The following BRSK1 variants were observed in gnomAD, a reference collection of about 807,000 sequenced individuals.
The protein encoded by BRSK1 is BR serine/threonine kinase 1.
Under a neutral mutation model 86.2 loss-of-function variants are expected in BRSK1, and 17 were observed. The observed-to-expected ratio is 0.20, with a 90% CI of 0.14 to 0.30. The LOEUF is 0.30. Ranked by LOEUF, BRSK1 falls within the 10% of genes least tolerant of loss-of-function variation. The pLI, the probability that BRSK1 is intolerant of heterozygous loss-of-function variation, is 1.00. For missense variants in BRSK1, 719 were observed against 1,071.9 expected, an observed-to-expected ratio of 0.67 and a Z score of 4.60; for synonymous variants, 464 against 440.1, an observed-to-expected ratio of 1.05 and a Z score of -0.68.
rs1290251687 is a variant in BRSK1 at position 55,303,141 on chromosome 19, T to G, written c.1029-170T>G. 1 of 647,462 alleles carries G rather than the reference T, an allele frequency of 1.5e-6. No homozygotes were observed. Among genetic ancestry groups the G allele is most frequent in the Non-Finnish European group, 2.6e-6 (1 of 378,002 alleles). 40.1% of individuals were successfully genotyped at this position (647,462 alleles called of 1,614,324 possible). A position where few individuals can be genotyped will look rare whatever the true frequency, so the allele number is the denominator to read the frequency against. On this transcript the variant is annotated intron_variant, in intron 10 of 18. Transcript: ENST00000309383. The surrounding 1 kb of genome is among the most constrained non-coding windows in gnomAD (Gnocchi z 5.1). ...GTGTTACAGTGTTATTATAATTGAGTGAAACACAGCTGAGATGTACCCTAA... is the reference window on the plus strand; with the variant it reads ...GTGTTACAGTGTTATTATAATTGAGGGAAACACAGCTGAGATGTACCCTAA...
At position 55,303,116 on chromosome 19, in the gene BRSK1, G is replaced by T; in HGVS notation, c.1029-195G>T. On this transcript the variant is annotated intron_variant, in intron 10 of 18. Coordinates refer to ENST00000309383, the MANE Select transcript of BRSK1 (RefSeq NM_032430.2). This position sits in a 1 kb window ranked among gnomAD's most constrained non-coding sequence, Gnocchi z 5.1. ...CAAATAGTTCTTGCCTGGATGTTAG[G>T]TGTTACAGTGTTATTATAATTGAGT... The T allele has an allele frequency of 1.6e-6, 1 of 629,850 alleles. No homozygotes were observed. The highest frequency in any genetic ancestry group is 2.0e-5 in the South Asian group (1 of 49,548). 39.0% of individuals were successfully genotyped at this position (629,850 alleles called of 1,614,324 possible).
intron 4 of BRSK1, among the ~76,000 whole-genome samples, chr19:55,291,585 C>T (rs369516365): frequency 2.6e-5 from 4 of 152,096 alleles, no homozygotes; most frequent in East Asian, 3.9e-4. Flanking sequence ...AAATGTGCAA[C>T]GTTTTTCTAA....
chr19:55,284,500 C>G lies in BRSK1; in HGVS notation c.58C>G (p.Pro20Ala). 9.7e-7 allele frequency: 1 copy of G among 1,033,112 alleles called. No homozygotes were observed. The allele number at this position is 1,033,112 out of a possible 1,614,324, so 64.0% of individuals were successfully genotyped here. A position where few individuals can be genotyped will look rare whatever the true frequency, so the allele number is the denominator to read the frequency against. ...GGSPAYHLPHPHPHPPQHAQY... is the reference protein window; with the variant it reads ...GGSPAYHLPHAHPHPPQHAQY... ...CTCTCCCGCCTACCACCTCCCCCAC[C>G]CCCACCCCCACCCACCCCAGCACGC... Residue 20 changes from proline to alanine, a missense_variant, in exon 1 of 19, where the codon CCC becomes GCC. By Grantham distance (27) the Pro-to-Ala change is conservative. Transcript: ENST00000309383.
In BRSK1 at chr19:55,310,910, G is replaced by T. The variant is rs985289916; in HGVS notation, c.2180-1001G>T. On this transcript the variant is annotated intron_variant, in intron 18 of 18. Transcript: ENST00000309383. This position sits in a 1 kb window ranked among gnomAD's most constrained non-coding sequence, Gnocchi z 5.0. Reference sequence around the variant, plus strand: ...ACCATCTCATAAAGGAGAATGGGGTGGGGGGTGCAGGCCTCCGAGTCACCG... The same window carrying T: ...ACCATCTCATAAAGGAGAATGGGGTTGGGGGTGCAGGCCTCCGAGTCACCG... Among the ~76,000 whole-genome samples, 1 of 152,076 alleles carries T rather than the reference G, an allele frequency of 6.6e-6. No homozygotes were observed. Among genetic ancestry groups the T allele is most frequent in the African/African-American group, 2.4e-5 (1 of 41,402 alleles).
Position 55,306,513 on chromosome 19 carries a change from G to T in BRSK1, c.2089+63G>T. The T allele has an allele frequency of 5.7e-6, 9 of 1,575,340 alleles. No individual in the cohort carries two copies. The South Asian group carries it at 1.0e-4, about 17-fold the overall frequency. On this transcript the variant is annotated intron_variant, in intron 17 of 18. Coordinates refer to ENST00000309383, the MANE Select transcript of BRSK1 (RefSeq NM_032430.2). This position sits in a 1 kb window ranked among gnomAD's most constrained non-coding sequence, Gnocchi z 4.7. ...GGGACTGTTCACGACAGCTGAGACA[G>T]TGTAGGGGCCCAGGAGTGCAGCAGC...
chr19:55,286,233 C>T (rs1439115185), intron 1 of BRSK1, among the ~76,000 whole-genome samples: 4 of 138,566 alleles, frequency 2.9e-5, no homozygotes, highest in Non-Finnish European at 6.2e-5. Flanking sequence ...GAATGGGGGC[C>T]TGGACTCCTG....
Position 55,284,013 on chromosome 19 carries a change from G to T in BRSK1, c.-430G>T. The T allele has an allele frequency of 4.0e-6, 5 of 1,240,746 alleles. No homozygotes were observed. The highest frequency in any genetic ancestry group is 5.0e-6 in the Non-Finnish European group (5 of 993,728). 76.9% of individuals were successfully genotyped at this position (1,240,746 alleles called of 1,614,324 possible). ...GGAGTCCCCGGATGGTGATGTCAGC[G>T]TGCCGGAGAGAAAGGACGAGGTGGC... On this transcript the variant is annotated 5_prime_UTR_variant, in exon 1 of 19. Transcript: ENST00000309383.
chr19:55,302,954 A>G lies in BRSK1; in HGVS notation c.1028+87A>G. The G allele has an allele frequency of 2.7e-6, 4 of 1,503,844 alleles. No individual in the cohort carries two copies. The highest frequency in any genetic ancestry group is 3.6e-6 in the Non-Finnish European group (4 of 1,117,626). 93.2% of individuals were successfully genotyped at this position (1,503,844 alleles called of 1,614,324 possible). A position where few individuals can be genotyped will look rare whatever the true frequency, so the allele number is the denominator to read the frequency against. ...CGCACATGCAGAGTGCTGGGCGAGG[A>G]ACCCTGGCCTCTCATGGGGCATGGT... On this transcript the variant is annotated intron_variant, in intron 10 of 18. Coordinates refer to ENST00000309383, the MANE Select transcript of BRSK1 (RefSeq NM_032430.2). This position sits in a 1 kb window ranked among gnomAD's most constrained non-coding sequence, Gnocchi z 6.3.
At chr19:55,297,925 G>T (rs1468468289) in intron 7 of BRSK1, among the ~76,000 whole-genome samples, 5 of 151,334 alleles carry the variant, frequency 3.3e-5, no homozygotes, top group Non-Finnish European at 2.9e-5. Flanking sequence ...AGATTCTCCT[G>T]CCTCAGCCTC....
In BRSK1 at chr19:55,284,254, G is replaced by GC. The variant is rs983168305; in HGVS notation, c.-182dup. 7.2e-4 allele frequency: 330 copies of GC among 460,426 alleles called. No homozygotes were observed. The highest frequency in any genetic ancestry group is 1.0e-3 in the Non-Finnish European group (303 of 289,108). 28.5% of individuals were successfully genotyped at this position (460,426 alleles called of 1,614,324 possible). On this transcript the variant is annotated 5_prime_UTR_variant, in exon 1 of 19. Transcript: ENST00000309383. Reference sequence around the variant, plus strand: ...CCCGGGGCCTGACCCCCCCGGGCCAGCCCCCCCTCCCCCAGCTCCGCGGCC... The same window carrying GC: ...CCCGGGGCCTGACCCCCCCGGGCCAGCCCCCCCCTCCCCCAGCTCCGCGGCC...
rs1464085680 is a variant in BRSK1, at chr19:55,284,085, G to C, written c.-358G>C. 6 of 886,298 alleles carry C rather than the reference G, an allele frequency of 6.8e-6. No homozygotes were observed. The highest frequency in any genetic ancestry group is 8.9e-6 in the Non-Finnish European group (6 of 672,662). 54.9% of individuals were successfully genotyped at this position (886,298 alleles called of 1,614,324 possible). A position where few individuals can be genotyped will look rare whatever the true frequency, so the allele number is the denominator to read the frequency against. On this transcript the variant is annotated 5_prime_UTR_variant, in exon 1 of 19. Transcript: ENST00000309383. ...GGAGGCGGAGGAGAGAGGGCGCGTG[G>C]GGGGGCGGGGGGGACCTCGGCCTGC...
intron 4 of BRSK1, among the ~76,000 whole-genome samples, chr19:55,292,999 C>A (rs547223169): frequency 2.4e-4 from 37 of 152,064 alleles, no homozygotes; most frequent in Admixed American, 1.4e-3. Flanking sequence ...CAGAAAGGGA[C>A]CCCATCTCTA....
rs1016748820 is a variant in BRSK1, at chr19:55,310,428, C to T, written c.2180-1483C>T. On this transcript the variant is annotated intron_variant, in intron 18 of 18. Coordinates refer to ENST00000309383, the MANE Select transcript of BRSK1 (RefSeq NM_032430.2). This position sits in a 1 kb window ranked among gnomAD's most constrained non-coding sequence, Gnocchi z 5.0. Reference sequence around the variant, plus strand: ...GATACTCCAAGATAATCCCCCAACTCGTGGTCCCTCACCTTCCCCACAGCA... The same window carrying T: ...GATACTCCAAGATAATCCCCCAACTTGTGGTCCCTCACCTTCCCCACAGCA... Among the ~76,000 whole-genome samples, 3 of 152,186 alleles carry T rather than the reference C, an allele frequency of 2.0e-5. No homozygotes were observed. The highest frequency in any genetic ancestry group is 4.4e-5 in the Non-Finnish European group (3 of 68,040).
rs1274460425 is a variant in BRSK1 at position 55,284,388 on chromosome 19, C to T, written c.-55C>T. On this transcript the variant is annotated 5_prime_UTR_variant, in exon 1 of 19. Coordinates refer to ENST00000309383, the MANE Select transcript of BRSK1 (RefSeq NM_032430.2). ...GCCGGCCCCCACCGGAGAGACGGGG[C>T]GACGGCCGCAGGGGGGGCGGCCGGG... 1.3e-5 allele frequency: 9 copies of T among 705,668 alleles called. No individual in the cohort carries two copies. The highest frequency in any genetic ancestry group is 1.6e-5 in the Non-Finnish European group (9 of 576,264). 43.7% of individuals were successfully genotyped at this position (705,668 alleles called of 1,614,324 possible).
In BRSK1 at chr19:55,289,603, C is replaced by T; in HGVS notation, c.441C>T (p.Cys147=). The T allele has an allele frequency of 6.2e-7, 1 of 1,614,050 alleles. No individual in the cohort carries two copies. Among genetic ancestry groups the T allele is most frequent in the East Asian group, 2.2e-5 (1 of 44,888 alleles). ...FRQIVSALDF[C]HSYSICHRDL... is the part of the protein sequence containing the mutation. ...AGATTGTGTCTGCGCTGGACTTCTG[C>T]CACAGCTACTCCATCTGGTGAGTGG... Residue 147 remains cysteine, a synonymous_variant, in exon 4 of 19, where the codon TGC becomes TGT. Transcript: ENST00000309383.
chr19:55,304,100 G>A lies in BRSK1; in HGVS notation c.1337G>A (p.Ser446Asn). 1.2e-6 allele frequency: 2 copies of A among 1,612,690 alleles called. No homozygotes were observed. Among genetic ancestry groups the A allele is most frequent in the Non-Finnish European group, 8.5e-7 (1 of 1,179,826 alleles). Reference sequence around the variant, plus strand: ...ACGGGTCTGTCCTCCAGCCCTCTAAGCAGCCCAAGGGTAAGGCCAGGTCCC... The same window carrying A: ...ACGGGTCTGTCCTCCAGCCCTCTAAACAGCCCAAGGGTAAGGCCAGGTCCC... Reference protein sequence around the residue: ...ASTGLSSSPLSSPRSPVFSFS... With the variant: ...ASTGLSSSPLNSPRSPVFSFS... The change falls in exon 13 of 19, where the codon AGC becomes AAC. Residue 446 changes from serine to asparagine, a missense_variant. Transcript: ENST00000309383. The surrounding 1 kb of genome is among the most constrained non-coding windows in gnomAD (Gnocchi z 5.2).
chr19:55,300,437 T>A (rs1016028647), intron 7 of BRSK1, among the ~76,000 whole-genome samples: 1 of 152,188 alleles, frequency 6.6e-6, no homozygotes, highest in Non-Finnish European at 1.5e-5. Context: ...GTGCGGTGGC[T>A]CACACCTGTA....
At chr19:55,298,095 G>A (rs1436020688) in intron 7 of BRSK1, among the ~76,000 whole-genome samples, 7 of 150,702 alleles carry the variant, frequency 4.6e-5, no homozygotes, top group African/African-American at 1.7e-4. Context: ...GATTACAGGC[G>A]TGAGCCACTT....
rs371273066 is a variant in BRSK1, at chr19:55,294,261, G to A, written c.609+14G>A. On this transcript the variant is annotated intron_variant, in intron 6 of 18. Coordinates refer to ENST00000309383, the MANE Select transcript of BRSK1 (RefSeq NM_032430.2). This position sits in a 1 kb window ranked among gnomAD's most constrained non-coding sequence, Gnocchi z 4.9. ...GAGGTGATTAAGGTGAGTGAGGGGC[G>A]GATAGAGGGGAGAGGGGTGGAGGCA... is the stretch of plus-strand genomic sequence containing the variant. The A allele has an allele frequency of 2.7e-5, 44 of 1,613,956 alleles. No individual in the cohort carries two copies. The highest frequency in any genetic ancestry group is 3.3e-5 in the Admixed American group (2 of 59,984).
Sources: allele counts gnomAD v4.1 joint callset (sites outside exome capture counted in the v4.1 genomes callset), GRCh38; gene constraint gnomAD v4.1.1; non-coding constraint Gnocchi (gnomAD v3.1); transcripts MANE v1.5; gene names NCBI Gene and HGNC (gene_info 2026-07-23, HGNC 2026-07-21).